CYFIP1: variants seen among roughly 807,000 people sequenced by gnomAD.
The protein encoded by CYFIP1 is cytoplasmic FMR1-interacting protein 1.
Under a neutral mutation model 163.5 loss-of-function variants are expected in CYFIP1, and 58 were observed. The observed-to-expected ratio is 0.35, with a 90% CI of 0.29 to 0.44. The LOEUF (loss-of-function observed/expected upper bound fraction) is 0.44, where lower values mean the gene tolerates loss of function less well. Among genes scored for constraint, CYFIP1 ranks in the 20% least tolerant of loss-of-function variants. The pLI is 1.00. For synonymous variants in CYFIP1, 663 were observed against 660.7 expected (o/e 1.00, Z -0.05); for missense variants, 1,338 against 1,653.8 (o/e 0.81, Z 3.31).
intron 13 of CYFIP1, among the ~76,000 whole-genome samples, chr15:22,922,415 G>A (rs935994348): frequency 6.6e-6 from 1 of 152,200 alleles, no homozygotes; most frequent in Non-Finnish European, 1.5e-5. Context: ...AGCACGTCCC[G>A]TGCAATTCCA....
At chr15:22,958,179 A>G (rs1172180463) in intron 1 of CYFIP1, among the ~76,000 whole-genome samples, 2 of 148,472 alleles carry the variant, frequency 1.3e-5, no homozygotes, top group Admixed American at 6.8e-5. Flanking sequence ...TCTGCCTCCC[A>G]GGTTCAAGCA....
At chr15:22,924,661 A>G (rs2061301388) in intron 13 of CYFIP1, among the ~76,000 whole-genome samples, 1 of 152,122 alleles carries the variant, frequency 6.6e-6, no homozygotes, top group Non-Finnish European at 1.5e-5. Flanking sequence ...AACTCTGTGA[A>G]TGTGCTGAAA....
At chr15:22,955,726 C>T (rs888281860) in intron 1 of CYFIP1, among the ~76,000 whole-genome samples, 1 of 152,198 alleles carries the variant, frequency 6.6e-6, no homozygotes, top group Non-Finnish European at 1.5e-5. Context: ...GCCACACTCC[C>T]CCTGCAAGCT....
chr15:22,976,551 C>G (rs973808910), intron 1 of CYFIP1, among the ~76,000 whole-genome samples: 2 of 131,980 alleles, frequency 1.5e-5, no homozygotes, highest in Non-Finnish European at 3.6e-5. Context: ...TTATAGCTGC[C>G]TACAGTCAAC....
intron 21 of CYFIP1, among the ~76,000 whole-genome samples, chr15:22,906,758 C>G (rs770704676): frequency 6.6e-6 from 1 of 152,196 alleles, no homozygotes; most frequent in Non-Finnish European, 1.5e-5. Flanking sequence ...AGCCACAGCG[C>G]CCGGCCAGCA....
intron 6 of CYFIP1, among the ~76,000 whole-genome samples, chr15:22,941,566 G>A (rs1413416085): frequency 6.6e-6 from 1 of 152,024 alleles, no homozygotes; most frequent in Non-Finnish European, 1.5e-5. Context: ...GGGGGTCTTG[G>A]GAGGGGTGGG....
At chr15:22,933,566 G>A (rs28509397) in intron 10 of CYFIP1, among the ~76,000 whole-genome samples, 10,068 of 151,700 alleles carry the variant, frequency 0.066, 1,066 homozygotes, top group African/African-American at 0.23. Flanking sequence ...CGCCCGCCTC[G>A]GCCTCCCAAA....
chr15:22,876,566 G>C (rs192407729), intron 26 of CYFIP1, among the ~76,000 whole-genome samples: 8 of 152,210 alleles, frequency 5.3e-5, no homozygotes, highest in Non-Finnish European at 7.4e-5. Flanking sequence ...TGTCAGGCCA[G>C]GTGCAGTGGC....
rs141966948 is a variant in CYFIP1, at chr15:22,944,648, G to A, written c.297C>T (p.Asn99=). The change falls in exon 5 of 31, where the codon AAC becomes AAT. Residue 99 remains asparagine, a synonymous_variant. Coordinates refer to ENST00000617928, the MANE Select transcript of CYFIP1 (RefSeq NM_014608.6). The stretch of plus-strand genomic sequence containing the variant: ...AGATTTCCACTCTGTTAGGCTGCTC[G>A]TTACATTTCACCTGGGAATAAAGGA... ...CSRAIPQVKC[N]EQPNRVEIYE... 3.0e-5 allele frequency: 48 copies of A among 1,613,336 alleles called. No homozygotes were observed. The highest frequency in any genetic ancestry group is 2.4e-4 in the South Asian group (22 of 91,066).
rs770508307 is a variant in CYFIP1 at position 22,918,703 on chromosome 15, G to C, written c.1515C>G (p.Asn505Lys). ...PLRQAIKKKK[N>K]VIQSVLQAIR... ...TGGGGAAGGCTGACCTCTGGATGAC[G>C]TTCTTCTTCTTCTTGATGGCCTGCC... The change falls in exon 14 of 31, where the codon AAC becomes AAG. Residue 505 changes from asparagine (N) to lysine (K), a missense_variant. Asn to Lys is a moderately conservative substitution (Grantham distance 94). This residue lies in a region of CYFIP1 where 824 missense variants were observed against 995.7 expected (regional missense o/e 0.83). Transcript: ENST00000617928. 23 of 1,601,292 alleles carry C rather than the reference G, an allele frequency of 1.4e-5. No individual in the cohort carries two copies. The highest frequency in any genetic ancestry group is 2.0e-5 in the Non-Finnish European group (23 of 1,174,138).
intron 20 of CYFIP1, 139 bp from the exon 21 acceptor site, chr15:22,909,452 C>T: frequency 1.0e-6 from 1 of 963,546 alleles, no homozygotes; most frequent in East Asian, 2.4e-5. Flanking sequence ...ACCCATCTCC[C>T]CACATACATG....
At chr15:22,898,876 G>A (rs1269351252) in intron 22 of CYFIP1, among the ~76,000 whole-genome samples, 9 of 151,910 alleles carry the variant, frequency 5.9e-5, no homozygotes, top group African/African-American at 1.9e-4. Flanking sequence ...GGTGGCGGGC[G>A]ACTATAGTCC....
chr15:22,881,875 C>T lies in CYFIP1; in HGVS notation c.2882G>A (p.Arg961His), dbSNP rs202203204. ...AGAGCCGTACTCGTGCCGGGGCAGG[C>T]GGCAGATCTTGGGCATCACCTCCAT... is the stretch of plus-strand genomic sequence containing the variant. ...TLMEVMPKIC[R>H]LPRHEYGSPG... is the part of the protein sequence containing the mutation. The change falls in exon 25 of 31, where the codon CGC (arginine) becomes CAC (histidine). Residue 961 changes from arginine (R) to histidine (H), a missense_variant. Physicochemically the swap from Arg to His is conservative, Grantham distance 29. Around this residue, in one of 4 missense-constraint regions of CYFIP1, gnomAD observed 824 missense variants for 995.7 expected, o/e 0.83. Transcript: ENST00000617928. The T allele has an allele frequency of 3.7e-6, 6 of 1,611,984 alleles. No homozygotes were observed. The highest frequency in any genetic ancestry group is 1.3e-5 in the African/African-American group (1 of 75,052).
At chr15:22,876,324 C>T (rs1048101261) in intron 26 of CYFIP1, among the ~76,000 whole-genome samples, 3 of 152,146 alleles carry the variant, frequency 2.0e-5, no homozygotes, top group Non-Finnish European at 2.9e-5. Flanking sequence ...CCATCTGCTC[C>T]GCTTCTCTTT....
intron 13 of CYFIP1, among the ~76,000 whole-genome samples, chr15:22,924,884 C>A (rs1438686326): frequency 6.6e-6 from 1 of 151,988 alleles, no homozygotes; most frequent in East Asian, 1.9e-4. Context: ...CGAACCCGGG[C>A]AACTTGGTGA....
chr15:22,920,087 A>G, intron 13 of CYFIP1, among the ~76,000 whole-genome samples: 1 of 152,156 alleles, frequency 6.6e-6, no homozygotes, highest in Middle Eastern at 3.4e-3. Context: ...CAGTAATAAA[A>G]AAAAACAAAA....
rs1448448732 is a variant in CYFIP1 at position 22,943,494 on chromosome 15, A to G, written c.388-140T>C. 5.6e-6 allele frequency: 5 copies of G among 895,218 alleles called. No homozygotes were observed. In the African/African-American group the frequency reaches 6.7e-5, roughly 12 times the overall value. 55.5% of individuals were successfully genotyped at this position (895,218 alleles called of 1,614,324 possible). On this transcript the variant is annotated intron_variant, in intron 5 of 30. Transcript: ENST00000617928. ...GAGGCTCCAGGCCGAAGTGTTTACA[A>G]TGTGGGCAACCAGACCCCTTCCTGA...
chr15:22,948,940 T>C (rs1276517725), intron 1 of CYFIP1, among the ~76,000 whole-genome samples: 1 of 151,256 alleles, frequency 6.6e-6, no homozygotes, highest in African/African-American at 2.4e-5. Flanking sequence ...AGAGAGAAGG[T>C]CTAACATCTG....
At chr15:22,978,939 A>G (rs1371346455) in intron 1 of CYFIP1, among the ~76,000 whole-genome samples, 1 of 152,170 alleles carries the variant, frequency 6.6e-6, no homozygotes, top group African/African-American at 2.4e-5. Context: ...ACTACAGTCC[A>G]TGCACCTGCT....
Sources: gnomAD v4.1 joint callset for allele counts (sites outside exome capture counted in the v4.1 genomes callset) on GRCh38, gnomAD v4.1.1 for gene constraint, gnomAD v4.1.1 regional missense constraint, MANE v1.5 for transcripts, NCBI Gene and HGNC (gene_info 2026-07-23, HGNC 2026-07-21) for gene names.